Variants in ANKS1B observed in about 807,000 individuals in gnomAD.
ANKS1B encodes the protein ankyrin repeat and sterile alpha motif domain containing 1B, also known as ankyrin repeat and sterile alpha motif domain-containing protein 1B.
In ANKS1B, 36 loss-of-function variants were observed where a neutral mutation model predicts 148.3. The observed-to-expected ratio is 0.24, with a 90% CI of 0.19 to 0.32. The LOEUF is 0.32. Among genes scored for constraint, ANKS1B ranks in the 10% least tolerant of loss-of-function variants. The pLI is 1.00. For missense variants in ANKS1B, 1,157 were observed against 1,542.6 expected, an observed-to-expected ratio of 0.75 and a Z score of 4.19; for synonymous variants, 542 against 560.8, an observed-to-expected ratio of 0.97 and a Z score of 0.47.
rs575415625 is a variant in ANKS1B at position 99,131,062 on chromosome 12, G to A, written c.2526+23227C>T. Among the ~76,000 whole-genome samples the A allele has an allele frequency of 5.9e-5, 9 of 152,262 alleles. No individual in the cohort carries two copies. The East Asian group carries it at 1.7e-3, about 29-fold the overall frequency. ...CTACTATATTGCCTTGTAATGATTT[G>A]TTAGTGAACCTCTCTCTTCCACTTG... On this transcript the variant is annotated intron_variant, in intron 15 of 26. Transcript: ENST00000683438.
chr12:99,482,522 G>A (rs753786248), intron 10 of ANKS1B, among the ~76,000 whole-genome samples: 7 of 151,896 alleles, frequency 4.6e-5, no homozygotes, highest in Non-Finnish European at 7.4e-5. Flanking sequence ...CTCCTTTTGT[G>A]GTTCCATATG....
At chr12:99,382,527 G>C (rs555368333) in intron 12 of ANKS1B, among the ~76,000 whole-genome samples, 70 of 151,952 alleles carry the variant, frequency 4.6e-4, no homozygotes, top group African/African-American at 1.6e-3. Context: ...GCAAAACCCT[G>C]TCTCTACCAA....
intron 20 of ANKS1B, among the ~76,000 whole-genome samples, chr12:98,803,818 C>G (rs1242624328): frequency 2.0e-5 from 3 of 152,176 alleles, no homozygotes; most frequent in Non-Finnish European, 4.4e-5. Context: ...GTTCCATTAA[C>G]TCACACACTT....
intron 16 of ANKS1B, among the ~76,000 whole-genome samples, chr12:99,066,807 C>A (rs1306791351): frequency 2.0e-5 from 3 of 152,154 alleles, no homozygotes; most frequent in East Asian, 3.8e-4. Context: ...ATAAAATCAT[C>A]CTTGTTCTCT....
chr12:99,695,695 CAGGG>C (rs914201546), intron 8 of ANKS1B, among the ~76,000 whole-genome samples: 23 of 152,054 alleles, frequency 1.5e-4, no homozygotes, highest in African/African-American at 3.1e-4. Flanking sequence ...TACACGGACA[CAGGG>C]AGGGGAACAA....
chr12:99,912,502 C>A (rs2094036264), intron 1 of ANKS1B, among the ~76,000 whole-genome samples: 2 of 152,106 alleles, frequency 1.3e-5, no homozygotes. Context: ...CAGGCACACA[C>A]CACCACGCCT....
At chr12:99,439,346 A>T (rs1309986736) in intron 11 of ANKS1B, among the ~76,000 whole-genome samples, 2 of 151,794 alleles carry the variant, frequency 1.3e-5, no homozygotes, top group African/African-American at 4.8e-5. Context: ...AAGGCACTTG[A>T]GAAAATGTTT....
chr12:99,624,639 A>C (rs979617176), intron 9 of ANKS1B, among the ~76,000 whole-genome samples: 2 of 152,024 alleles, frequency 1.3e-5, no homozygotes, highest in African/African-American at 4.8e-5. Context: ...AACAAACATG[A>C]AAACAAAAAT....
At chr12:99,573,229 ATTAC>A (rs2097480589) in intron 9 of ANKS1B, among the ~76,000 whole-genome samples, 1 of 152,096 alleles carries the variant, frequency 6.6e-6, no homozygotes, top group African/African-American at 2.4e-5. Context: ...GATGCAGTGA[ATTAC>A]TTTGATTGAG....
chr12:99,894,706 T>C lies in ANKS1B; in HGVS notation c.135-69317A>G, dbSNP rs903456250. On this transcript the variant is annotated intron_variant, in intron 1 of 26. Transcript: ENST00000683438. The stretch of plus-strand genomic sequence containing the variant: ...ATACTTTATTATAAAATAGTCTTTG[T>C]GTTAGATTATTTCACCCCACTCTGT... Among the ~76,000 whole-genome samples, 7 of 149,852 alleles carry C rather than the reference T, an allele frequency of 4.7e-5. 1 individual carries two copies. The highest frequency in any genetic ancestry group is 8.9e-5 in the Non-Finnish European group (6 of 67,152).
At position 98,736,493 on chromosome 12, in the gene ANKS1B, G is replaced by A. The variant is rs554697813; in HGVS notation, c.691-859C>T. On this transcript the variant is annotated intron_variant, in intron 9 of 9. Transcript: ENST00000341752. Reference sequence around the variant, plus strand: ...CGGACGCGGTAAGTTTGAGATGCCCGTTAACGAGACATCCAGGTGGGGATG... The same window carrying A: ...CGGACGCGGTAAGTTTGAGATGCCCATTAACGAGACATCCAGGTGGGGATG... Among the ~76,000 whole-genome samples the A allele has an allele frequency of 3.9e-5, 6 of 152,316 alleles. No individual in the cohort carries two copies. In the South Asian group the frequency reaches 6.2e-4, roughly 16 times the overall value.
At chr12:99,023,863 GTA>G (rs2153445916) in intron 17 of ANKS1B, among the ~76,000 whole-genome samples, 1 of 149,016 alleles carries the variant, frequency 6.7e-6, no homozygotes, top group Admixed American at 6.7e-5. Context: ...ATAGATAAAA[GTA>G]TATATACATG....
At chr12:99,608,191 C>T (rs2097865131) in intron 9 of ANKS1B, among the ~76,000 whole-genome samples, 1 of 152,032 alleles carries the variant, frequency 6.6e-6, no homozygotes, top group Non-Finnish European at 1.5e-5. Context: ...TCAATTAGCC[C>T]ATTTTGTGTC....
intron 17 of ANKS1B, among the ~76,000 whole-genome samples, chr12:98,848,144 A>C (rs926429400): frequency 6.6e-5 from 10 of 152,264 alleles, no homozygotes; most frequent in Non-Finnish European, 1.5e-4. Flanking sequence ...GTCTCTAATG[A>C]AAACCAAGCA....
chr12:99,554,484 T>TAAGAATGAGAATATA (rs2097256246), intron 9 of ANKS1B, among the ~76,000 whole-genome samples: 1 of 152,170 alleles, frequency 6.6e-6, no homozygotes. Flanking sequence ...ATTAGCTAAA[T>TAAGAATGAGAATATA]CATCCTGAAT....
At position 98,960,183 on chromosome 12, in the gene ANKS1B, A is replaced by G. The variant is rs539929507; in HGVS notation, c.2778+92974T>C. On this transcript the variant is annotated intron_variant, in intron 17 of 26. Transcript: ENST00000683438. ...TACCACAGGTGTTGGGTGAGACCCA[A>G]TGCTGTGCTGACTTCAGGTCTGACC... 1.1e-3 allele frequency among the ~76,000 whole-genome samples: 173 copies of G among 152,268 alleles called. 1 individual carries two copies. The highest frequency in any genetic ancestry group is 3.6e-3 in the African/African-American group (151 of 41,562).
At chr12:99,573,380 A>T (rs980848679) in intron 9 of ANKS1B, among the ~76,000 whole-genome samples, 5 of 152,120 alleles carry the variant, frequency 3.3e-5, no homozygotes, top group South Asian at 2.1e-4. Context: ...TGATTTTTTT[A>T]AAAAATTGGT....
intron 14 of ANKS1B, among the ~76,000 whole-genome samples, chr12:99,238,167 T>C (rs527933367): frequency 9.8e-5 from 15 of 152,332 alleles, no homozygotes; most frequent in Middle Eastern, 6.8e-3. Context: ...TGACAGACTG[T>C]ACCTGGAGAA....
chr12:99,907,229 A>T lies in ANKS1B; in HGVS notation c.134+76875T>A, dbSNP rs535553065. Among the ~76,000 whole-genome samples, 8 of 152,280 alleles carry T rather than the reference A, an allele frequency of 5.3e-5. No homozygotes were observed. In the South Asian group the frequency reaches 1.7e-3, roughly 32 times the overall value. ...CACTGATAGTTTTTTAAGCACCATC[A>T]GTTCTGTGTTTAATTTCCCCCAGGC... On this transcript the variant is annotated intron_variant, in intron 1 of 26. Coordinates refer to ENST00000683438, the MANE Select transcript of ANKS1B (RefSeq NM_001352186.2).
Sources: allele counts gnomAD v4.1 joint callset (sites outside exome capture counted in the v4.1 genomes callset), GRCh38; gene constraint gnomAD v4.1.1; transcripts MANE v1.5; gene names NCBI Gene and HGNC (gene_info 2026-07-23, HGNC 2026-07-21).